Variants in TNRC18 observed in about 807,000 individuals in gnomAD.
The protein encoded by TNRC18 is trinucleotide repeat containing 18, also known as trinucleotide repeat-containing gene 18 protein.
TNRC18 carries 69 observed loss-of-function variants against 226.7 expected under a neutral mutation model. That is an observed-to-expected ratio of 0.30 (90% confidence interval 0.25 to 0.37). The LOEUF is 0.37. Among genes scored for constraint, TNRC18 ranks in the 10% least tolerant of loss-of-function variants. The probability of loss-of-function intolerance (pLI) is 1.00; values close to 1 mark genes in which losing one functional copy is unlikely to be tolerated. For missense variants in TNRC18, 4,754 were observed against 4,256.6 expected (o/e 1.12, Z -3.25); for synonymous variants, 2,449 against 1,927.6 (o/e 1.27, Z -7.09).
chr7:5,325,201 G>A lies in TNRC18; in HGVS notation c.6195C>T (p.Pro2065=). 5 of 1,554,680 alleles carry A rather than the reference G, an allele frequency of 3.2e-6. No individual in the cohort carries two copies. The highest frequency in any genetic ancestry group is 4.3e-6 in the Non-Finnish European group (5 of 1,150,762). Residue 2065 remains proline, a synonymous_variant, in exon 20 of 30, where the codon CCC becomes CCT. Transcript: ENST00000430969. ...CCTCAGAGGGCAAGGCAGGAGCTCG[G>A]GGCGGCGGCAGCCCAGCTCCTGGCC... is the stretch of plus-strand genomic sequence containing the variant. ...EAGPGAGLPP[P]RAPALPSEAR...
chr7:5,345,517 G>GGGGGGGGCGCCCCCCCCCCCCCC, intron 18 of TNRC18, 45 bp downstream of exon 18: 2 of 377,742 alleles, frequency 5.3e-6, no homozygotes, highest in Non-Finnish European at 9.7e-6. Flanking sequence ...AATGGCGTCC[G>GGGGGGGGCGCCCCCCCCCCCCCC]CCCCTCCCAC....
Position 5,357,163 on chromosome 7 carries a change from C to G in TNRC18, c.4947G>C (p.Ser1649=). The part of the protein sequence containing the change: ...QDKLKSPFKF[S]DSAGGKSKTS... ...TTTTCGATTTCCCCCCAGCACTGTC[C>G]GAAAACTTGAAGGGCGACTTCAACT... Residue 1649 remains serine (S), a synonymous_variant, in exon 16 of 30, where the codon TCG becomes TCC. Transcript: ENST00000430969. 1.3e-6 allele frequency: 2 copies of G among 1,593,968 alleles called. No homozygotes were observed. Among genetic ancestry groups the G allele is most frequent in the African/African-American group, 2.7e-5 (2 of 74,752 alleles).
chr7:5,346,530 C>A (rs1281302665), intron 17 of TNRC18, among the ~76,000 whole-genome samples: 1 of 152,210 alleles, frequency 6.6e-6, no homozygotes, highest in Non-Finnish European at 1.5e-5. Context: ...TGACCCCAGC[C>A]GGGCACAGTG....
In TNRC18 at chr7:5,388,653, C is replaced by A; in HGVS notation, c.1171G>T (p.Ala391Ser). 3.9e-6 allele frequency: 5 copies of A among 1,275,602 alleles called. No individual in the cohort carries two copies. Among genetic ancestry groups the A allele is most frequent in the Non-Finnish European group, 5.0e-6 (5 of 1,009,194 alleles). The allele number at this position is 1,275,602 out of a possible 1,614,324, so 79.0% of individuals were successfully genotyped here. A position where few individuals can be genotyped will look rare whatever the true frequency, so the allele number is the denominator to read the frequency against. The part of the protein sequence containing the change: ...FDERPGPIQI[A>S]SQARDARARE... ...GCCCGGGCATCGCGCGCCTGGGATGCGATCTGGATGGGCCCCGGGCGCTCG... is the reference window on the plus strand; with the variant it reads ...GCCCGGGCATCGCGCGCCTGGGATGAGATCTGGATGGGCCCCGGGCGCTCG... The change falls in exon 5 of 30, where the codon GCA becomes TCA. Residue 391 changes from alanine to serine, a missense_variant. By Grantham distance (99) the Ala-to-Ser change is moderately conservative. Coordinates refer to ENST00000430969, the MANE Select transcript of TNRC18 (RefSeq NM_001080495.3).
intron 17 of TNRC18, 52 bp downstream of exon 17, chr7:5,351,767 G>A (rs770395064): frequency 6.0e-6 from 9 of 1,505,162 alleles, no homozygotes; most frequent in Admixed American, 2.3e-5. Context: ...TCACTCGCAC[G>A]CACTCTCTCG....
intron 22 of TNRC18, 33 bp from the exon 23 acceptor site, chr7:5,320,640 G>A (rs765192983): frequency 4.4e-6 from 7 of 1,596,554 alleles, no homozygotes; most frequent in Non-Finnish European, 5.1e-6. Flanking sequence ...AGGTGGCAGA[G>A]GCCGAGACCT....
At chr7:5,419,153 C>G (rs896669022) in intron 2 of TNRC18, among the ~76,000 whole-genome samples, 41 of 152,278 alleles carry the variant, frequency 2.7e-4, no homozygotes, top group African/African-American at 9.2e-4. Flanking sequence ...GGCCTTCCCT[C>G]CACCTCAGCC....
In TNRC18 at chr7:5,351,461, T is replaced by G. The variant is rs1369353847; in HGVS notation, c.5470+358A>C. ...CCGAACCAAGCCTGGGGTCTCTGGGTGGGCAGAAAACGTGAGTGCGGGGGT... is the reference window on the plus strand; with the variant it reads ...CCGAACCAAGCCTGGGGTCTCTGGGGGGGCAGAAAACGTGAGTGCGGGGGT... On this transcript the variant is annotated intron_variant, in intron 17 of 29. Transcript: ENST00000430969. 1.5e-4 allele frequency among the ~76,000 whole-genome samples: 4 copies of G among 26,802 alleles called. No homozygotes were observed. The Admixed American group carries it at 1.8e-3, about 12-fold the overall frequency. 17.6% of individuals were successfully genotyped at this position (26,802 alleles called of 152,430 possible).
intron 15 of TNRC18, among the ~76,000 whole-genome samples, chr7:5,358,611 C>T (rs551185774): frequency 6.6e-6 from 1 of 152,198 alleles, no homozygotes; most frequent in African/African-American, 2.4e-5. Flanking sequence ...GTCAGGAGTT[C>T]GAGGCCAGCC....
chr7:5,368,754 A>C (rs1222543217), intron 11 of TNRC18, among the ~76,000 whole-genome samples: 1 of 152,134 alleles, frequency 6.6e-6, no homozygotes, highest in African/African-American at 2.4e-5. Context: ...TTTGAGAAGT[A>C]AATATGTGTA....
rs1302110186 is a variant in TNRC18, at chr7:5,309,365, G to A, written c.8392C>T (p.Arg2798Cys). 1.2e-6 allele frequency: 2 copies of A among 1,609,376 alleles called. No individual in the cohort carries two copies. Among genetic ancestry groups the A allele is most frequent in the East Asian group, 2.2e-5 (1 of 44,726 alleles). The part of the protein sequence containing the change: ...WKWFGKPTQR[R>C]GMKGKARKLF... ...TTGCGGGCCTTGCCCTTCATGCCAC[G>A]CCGCTGCAAGGACACGTGTGTCACG... Residue 2798 changes from arginine (R) to cysteine (C), a missense_variant, in exon 28 of 30, where the codon CGT (arginine) becomes TGT (cysteine). Coordinates refer to ENST00000430969, the MANE Select transcript of TNRC18 (RefSeq NM_001080495.3). The surrounding 1 kb of genome is among the most constrained non-coding windows in gnomAD (Gnocchi z 5.7).
intron 5 of TNRC18, among the ~76,000 whole-genome samples, chr7:5,386,786 A>AT (rs1426285159): frequency 6.6e-6 from 1 of 152,162 alleles, no homozygotes; most frequent in African/African-American, 2.4e-5. Context: ...AAAAATAAAT[A>AT]AAACAGGCTG....
chr7:5,376,323 A>T, intron 8 of TNRC18, 99 bp from the exon 9 acceptor site: 1 of 1,089,854 alleles, frequency 9.2e-7, no homozygotes, highest in Non-Finnish European at 1.3e-6. Flanking sequence ...CCACACCCAC[A>T]CAGTGGGGAG....
Position 5,394,656 on chromosome 7 carries a change from C to G in TNRC18, c.188-61G>C, listed in dbSNP as rs537905077. The G allele has an allele frequency of 7.5e-6, 10 of 1,333,192 alleles. No homozygotes were observed. In the South Asian group the frequency reaches 8.0e-5, roughly 11 times the overall value. 82.6% of individuals were successfully genotyped at this position (1,333,192 alleles called of 1,614,324 possible). ...AACCAGGGAGGCGCCGCCGCCCCAG[C>G]CCACCGCCCCGACCCACCGCCCCGA... On this transcript the variant is annotated intron_variant, in intron 2 of 29. Coordinates refer to ENST00000430969, the MANE Select transcript of TNRC18 (RefSeq NM_001080495.3). This position sits in a 1 kb window ranked among gnomAD's most constrained non-coding sequence, Gnocchi z 4.5.
intron 2 of TNRC18, among the ~76,000 whole-genome samples, chr7:5,400,940 G>A (rs746081095): frequency 5.3e-5 from 8 of 152,180 alleles, no homozygotes; most frequent in Non-Finnish European, 1.2e-4. Flanking sequence ...TACCCTGGAA[G>A]CTGAGGTGGG....
At chr7:5,389,468 T>TG (rs757813270) in intron 4 of TNRC18, 132 bp from the exon 5 acceptor site, 174 of 1,101,868 alleles carry the variant, frequency 1.6e-4, no homozygotes, top group Middle Eastern at 1.0e-3. Context: ...TTGGTTTTTT[T>TG]TTTCAGAAAG....
chr7:5,394,465 C>T lies in TNRC18; in HGVS notation c.318G>A (p.Gln106=). 1.3e-6 allele frequency: 2 copies of T among 1,555,498 alleles called. No individual in the cohort carries two copies. Among genetic ancestry groups the T allele is most frequent in the Non-Finnish European group, 1.7e-6 (2 of 1,150,856 alleles). The change falls in exon 3 of 30, where the codon CAG becomes CAA. Residue 106 remains glutamine (Q), a synonymous_variant. Coordinates refer to ENST00000430969, the MANE Select transcript of TNRC18 (RefSeq NM_001080495.3). This position sits in a 1 kb window ranked among gnomAD's most constrained non-coding sequence, Gnocchi z 4.5. ...SPTPSNLPMV[Q]LWAAHAHEGF... ...CTTCATGGGCGTGGGCGGCCCACAG[C>T]TGCACCATGGGCAGGTTGCTAGGGG...
chr7:5,390,425 G>A, intron 4 of TNRC18, 60 bp downstream of exon 4: 1 of 1,575,822 alleles, frequency 6.3e-7, no homozygotes, highest in Non-Finnish European at 8.7e-7. Context: ...TGCTGCCAAA[G>A]GCCCCAGAAG....
At chr7:5,393,259 G>T (rs148355852) in intron 3 of TNRC18, among the ~76,000 whole-genome samples, 30 of 152,324 alleles carry the variant, frequency 2.0e-4, no homozygotes, top group Middle Eastern at 3.4e-3. Context: ...AGGCTCAGGT[G>T]CGACCCCAGC....
Sources: allele counts gnomAD v4.1 joint callset (sites outside exome capture counted in the v4.1 genomes callset), GRCh38; gene constraint gnomAD v4.1.1; non-coding constraint Gnocchi (gnomAD v3.1); transcripts MANE v1.5; gene names NCBI Gene and HGNC (gene_info 2026-07-23, HGNC 2026-07-21).